Variants in DAOA observed in about 807,000 individuals in gnomAD.
DAOA encodes the protein D-amino acid oxidase regulator.
A neutral mutation model predicts 16.4 loss-of-function variants in DAOA; 15 were observed. The observed-to-expected ratio is 0.91, with a 90% CI of 0.61 to 1.41. The LOEUF (loss-of-function observed/expected upper bound fraction) is 1.41, where lower values mean the gene tolerates loss of function less well. Ranked by LOEUF, DAOA falls within the 40% of genes most tolerant of loss-of-function variation. DAOA has a pLI of 0.00. For synonymous variants in DAOA, 75 were observed against 59.1 expected, an observed-to-expected ratio of 1.27 and a Z score of -1.23; for missense variants, 230 against 176.8, an observed-to-expected ratio of 1.30 and a Z score of -1.71.
At chr13:105,489,770 C>T (rs749260244) in intron 4 of DAOA, 131 bp from the exon 5 acceptor site, 3 of 1,589,070 alleles carry the variant, frequency 1.9e-6, no homozygotes, top group South Asian at 1.1e-5. Context: ...TTGTATAACC[C>T]CTTACCCTTG....
chr13:105,467,143 T>A lies in DAOA; in HGVS notation c.133+2T>A, dbSNP rs148297571. On this transcript the variant is annotated splice_donor_variant, in intron 3 of 5. Transcript: ENST00000375936. LOFTEE classifies it high-confidence loss of function. Reference sequence around the variant, plus strand: ...CTGAAAACTCTCTAAACTCTATTGGTATGTTACTCTTTATCTTTATATGAA... The same window carrying A: ...CTGAAAACTCTCTAAACTCTATTGGAATGTTACTCTTTATCTTTATATGAA... 2,202 of 1,602,422 alleles carry A rather than the reference T, an allele frequency of 1.4e-3. 25 individuals carry two copies. The African/African-American group carries it at 0.027, about 19-fold the overall frequency.
At chr13:105,482,182 A>T (rs558644428) in intron 4 of DAOA, among the ~76,000 whole-genome samples, 17 of 152,292 alleles carry the variant, frequency 1.1e-4, no homozygotes, top group South Asian at 2.1e-4. Context: ...GATTGTGGAA[A>T]CTACAATTCA....
intron 3 of DAOA, among the ~76,000 whole-genome samples, chr13:105,468,001 A>C (rs181515138): frequency 6.6e-6 from 1 of 152,126 alleles, no homozygotes; most frequent in Non-Finnish European, 1.5e-5. Flanking sequence ...GGCTGAGTCC[A>C]TTCTCTTGCC....
chr13:105,468,705 C>T (rs1876714680), intron 3 of DAOA, among the ~76,000 whole-genome samples: 1 of 152,210 alleles, frequency 6.6e-6, no homozygotes, highest in Non-Finnish European at 1.5e-5. Flanking sequence ...ATGTTAATTT[C>T]TTCCACTTAG....
chr13:105,486,170 G>C (rs1446989460), intron 4 of DAOA, among the ~76,000 whole-genome samples: 1 of 152,116 alleles, frequency 6.6e-6, no homozygotes, highest in African/African-American at 2.4e-5. Context: ...TAAGGATGCT[G>C]TCCAGGATCT....
Position 105,467,127 on chromosome 13 carries a change from C to A in DAOA, c.119C>A (p.Ser40Tyr). Residue 40 changes from serine to tyrosine, a missense_variant, in exon 3 of 6, where the codon TCT (serine) becomes TAT (tyrosine). By Grantham distance (144) the Ser-to-Tyr change is moderately radical (BLOSUM62 -2). Transcript: ENST00000375936. ...ATTCTTCTGAGCAAATCTGAAAACT[C>A]TCTAAACTCTATTGGTATGTTACTC... ...RSILLSKSEN[S>Y]LNSIAKETEE... The A allele has an allele frequency of 6.2e-7, 1 of 1,609,060 alleles. No homozygotes were observed. The highest frequency in any genetic ancestry group is 8.5e-7 in the Non-Finnish European group (1 of 1,176,812).
intron 4 of DAOA, among the ~76,000 whole-genome samples, chr13:105,476,524 A>G (rs4772688): frequency 0.038 from 5,525 of 144,646 alleles, 140 homozygotes; most frequent in South Asian, 0.064. Context: ...AAAAAATTAC[A>G]TATGAGGTAC....
chr13:105,469,398 T>G (rs969784373), intron 3 of DAOA, among the ~76,000 whole-genome samples: 1 of 152,216 alleles, frequency 6.6e-6, no homozygotes, highest in Non-Finnish European at 1.5e-5. Flanking sequence ...TAAAAGAAAT[T>G]CACATTATCC....
rs764146228 is a variant in DAOA at position 105,472,539 on chromosome 13, A to C, written c.135A>C (p.Ala45=). 6.2e-7 allele frequency: 1 copy of C among 1,613,444 alleles called. No homozygotes were observed. Among genetic ancestry groups the C allele is most frequent in the Non-Finnish European group, 8.5e-7 (1 of 1,179,722 alleles). Reference sequence around the variant, plus strand: ...ATATCCACTTAAATACTGTTGCAGCAAAGGAGACAGAAGAAGGAAGAGAGA... The same window carrying C: ...ATATCCACTTAAATACTGTTGCAGCCAAGGAGACAGAAGAAGGAAGAGAGA... ...SKSENSLNSI[A]KETEEGRETV... The change falls in exon 4 of 6, where the codon GCA becomes GCC. Residue 45 remains alanine (A), a splice_region_variant and synonymous_variant. Coordinates refer to ENST00000375936, the MANE Select transcript of DAOA (RefSeq NM_172370.5).
In DAOA at chr13:105,490,082, GTT is replaced by G. The variant is rs1878413644; in HGVS notation, c.*3_*4del. The G allele has an allele frequency of 6.5e-7, 1 of 1,550,234 alleles. No individual in the cohort carries two copies. The highest frequency in any genetic ancestry group is 8.7e-7 in the Non-Finnish European group (1 of 1,145,394). ...AATAACTTCTACCAAAGCTGAATGAGTTTGGAAGCAGATTCTTCCCAGCCAAT... is the reference window on the plus strand; with the variant it reads ...AATAACTTCTACCAAAGCTGAATGAGTGGAAGCAGATTCTTCCCAGCCAAT... On this transcript the variant is annotated 3_prime_UTR_variant, in exon 5 of 6. Transcript: ENST00000375936.
chr13:105,487,682 T>C (rs1280122266), intron 4 of DAOA, among the ~76,000 whole-genome samples: 1 of 152,056 alleles, frequency 6.6e-6, no homozygotes, highest in Non-Finnish European at 1.5e-5. Flanking sequence ...AGAAAATTAA[T>C]TAACCAATTT....
chr13:105,480,136 T>C (rs1393854274), intron 4 of DAOA, among the ~76,000 whole-genome samples: 1 of 152,194 alleles, frequency 6.6e-6, no homozygotes, highest in Non-Finnish European at 1.5e-5. Flanking sequence ...ATTCAGCCAG[T>C]CACATCTTAT....
rs544244781 is a variant in DAOA, at chr13:105,483,930, C to A, written c.282-5971C>A. ...ATTCTTGCATGGATCATGTTTTGTTCTGTTGCATCTAATACATCTTTACTT... is the reference window on the plus strand; with the variant it reads ...ATTCTTGCATGGATCATGTTTTGTTATGTTGCATCTAATACATCTTTACTT... On this transcript the variant is annotated intron_variant, in intron 4 of 5. Transcript: ENST00000375936. 4.6e-5 allele frequency among the ~76,000 whole-genome samples: 7 copies of A among 152,110 alleles called. No individual in the cohort carries two copies. In the East Asian group the frequency reaches 1.4e-3, roughly 29 times the overall value.
intron 4 of DAOA, among the ~76,000 whole-genome samples, chr13:105,473,768 A>C (rs1333862225): frequency 2.0e-5 from 3 of 152,166 alleles, no homozygotes; most frequent in Non-Finnish European, 4.4e-5. Context: ...GGTGTGAAGC[A>C]AAGTTAAATT....
At chr13:105,468,192 G>A (rs1416241953) in intron 3 of DAOA, among the ~76,000 whole-genome samples, 2 of 152,146 alleles carry the variant, frequency 1.3e-5, no homozygotes, top group Non-Finnish European at 2.9e-5. Flanking sequence ...CAGGATAACC[G>A]AGGTCACTCT....
chr13:105,475,056 G>C (rs1038098297), intron 4 of DAOA: 7 of 985,596 alleles, frequency 7.1e-6, no homozygotes, highest in Non-Finnish European at 8.4e-6. Flanking sequence ...GCACTTTATG[G>C]AAGGAGACAC....
intron 4 of DAOA, among the ~76,000 whole-genome samples, chr13:105,485,790 A>C (rs1878063300): frequency 6.6e-6 from 1 of 152,190 alleles, no homozygotes; most frequent in Non-Finnish European, 1.5e-5. Context: ...ATATTCCAAC[A>C]AGCAAGGAGC....
At chr13:105,467,378 G>C (rs1396690633) in intron 3 of DAOA, among the ~76,000 whole-genome samples, 1 of 152,144 alleles carries the variant, frequency 6.6e-6, no homozygotes, top group East Asian at 1.9e-4. Context: ...TATAACTTAT[G>C]AAGAGATCGA....
chr13:105,467,394 C>T (rs1239021909), intron 3 of DAOA, among the ~76,000 whole-genome samples: 1 of 152,100 alleles, frequency 6.6e-6, no homozygotes, highest in Non-Finnish European at 1.5e-5. Flanking sequence ...ATCGATATCT[C>T]TTTTTATAAA....
Sources: allele counts gnomAD v4.1 joint callset (sites outside exome capture counted in the v4.1 genomes callset), GRCh38; gene constraint gnomAD v4.1.1; transcripts MANE v1.5; gene names NCBI Gene and HGNC (gene_info 2026-07-23, HGNC 2026-07-21).